Variants in TPRG1 observed in about 807,000 individuals in gnomAD.
TPRG1 encodes the protein tumor protein p63-regulated gene 1 protein.
In TPRG1, 29 loss-of-function variants were observed where a neutral mutation model predicts 29.3. The ratio of observed to expected loss-of-function variants is 0.99; its 90% CI spans 0.74 to 1.35. The LOEUF (loss-of-function observed/expected upper bound fraction) is 1.35, where lower values mean the gene tolerates loss of function less well. Ranked by LOEUF, TPRG1 falls within the 40% of genes most tolerant of loss-of-function variation. TPRG1 has a pLI of 0.00. For synonymous variants in TPRG1, 130 were observed against 116.8 expected (o/e 1.11, Z -0.73); for missense variants, 327 against 335.0 (o/e 0.98, Z 0.19).
intron 4 of TPRG1, among the ~76,000 whole-genome samples, chr3:189,029,940 C>T (rs1458828364): frequency 1.3e-5 from 2 of 152,218 alleles, no homozygotes; most frequent in African/African-American, 2.4e-5. Flanking sequence ...TCAGCATCAG[C>T]ATCATGCTTC....
At chr3:189,065,046 G>T (rs576484230) in intron 4 of TPRG1, among the ~76,000 whole-genome samples, 1 of 152,064 alleles carries the variant, frequency 6.6e-6, no homozygotes, top group South Asian at 2.1e-4. Flanking sequence ...AAAATTAGCT[G>T]TATGTGTTGG....
upstream of TPRG1, among the ~76,000 whole-genome samples, chr3:189,168,971 G>C (rs1728482868): frequency 6.6e-6 from 1 of 152,150 alleles, no homozygotes; most frequent in African/African-American, 2.4e-5. Flanking sequence ...GTGTGTAAGA[G>C]AACAGCCCTG....
At chr3:189,315,326 GAGAA>G (rs1286770282) in intron 5 of TPRG1, among the ~76,000 whole-genome samples, 1 of 151,798 alleles carries the variant, frequency 6.6e-6, no homozygotes, top group East Asian at 1.9e-4. Context: ...AAGGGGGGGT[GAGAA>G]AGAGAGAGAC....
intron 3 of TPRG1, among the ~76,000 whole-genome samples, chr3:189,217,309 A>C (rs960541116): frequency 3.3e-5 from 5 of 152,216 alleles, no homozygotes; most frequent in African/African-American, 1.2e-4. Flanking sequence ...CCTAAATAGG[A>C]AGCTCAAAAG....
intron 5 of TPRG1, among the ~76,000 whole-genome samples, chr3:189,318,358 G>A (rs1383002714): frequency 6.6e-6 from 1 of 152,102 alleles, no homozygotes; most frequent in Non-Finnish European, 1.5e-5. Context: ...TATAGGTATA[G>A]GAAACACATA....
chr3:189,213,046 T>C (rs1735515856), intron 2 of TPRG1, among the ~76,000 whole-genome samples: 2 of 152,238 alleles, frequency 1.3e-5, no homozygotes, highest in South Asian at 4.1e-4. Flanking sequence ...TGTCTTAGGC[T>C]GCATGATGTC....
chr3:189,017,662 C>T (rs984180655), intron 3 of TPRG1, among the ~76,000 whole-genome samples: 56 of 152,154 alleles, frequency 3.7e-4, no homozygotes, highest in Non-Finnish European at 6.2e-4. Flanking sequence ...CAAGTCTTTG[C>T]TATTGTGAAT....
intron 4 of TPRG1, among the ~76,000 whole-genome samples, chr3:189,065,030 A>C (rs1716346752): frequency 6.6e-6 from 1 of 152,146 alleles, no homozygotes; most frequent in Admixed American, 6.6e-5. Context: ...CTCTACAAAA[A>C]GTTTGAAAAT....
At chr3:189,237,657 C>A (rs1420689414) in intron 3 of TPRG1, among the ~76,000 whole-genome samples, 1 of 152,062 alleles carries the variant, frequency 6.6e-6, no homozygotes, top group Non-Finnish European at 1.5e-5. Flanking sequence ...ATGTTATGAA[C>A]CTAAAATCAA....
intron 1 of TPRG1, among the ~76,000 whole-genome samples, chr3:189,177,315 G>A (rs1314824187): frequency 6.6e-6 from 1 of 152,002 alleles, no homozygotes; most frequent in Non-Finnish European, 1.5e-5. Flanking sequence ...AGTTTGAAAT[G>A]TTAAGTGGGG....
intron 1 of TPRG1, among the ~76,000 whole-genome samples, chr3:189,104,859 C>A (rs1719627837): frequency 6.6e-6 from 1 of 152,064 alleles, no homozygotes; most frequent in African/African-American, 2.4e-5. Flanking sequence ...ACTCCTCAAC[C>A]TTCAGGGTCT....
chr3:189,230,547 C>T (rs2108902950), intron 3 of TPRG1, among the ~76,000 whole-genome samples: 1 of 152,290 alleles, frequency 6.6e-6, no homozygotes, highest in East Asian at 1.9e-4. Context: ...TCTCATGGAC[C>T]TCCATGGATC....
intron 4 of TPRG1, among the ~76,000 whole-genome samples, chr3:189,026,116 AACAG>A (rs1253449840): frequency 6.6e-6 from 1 of 152,162 alleles, no homozygotes; most frequent in Non-Finnish European, 1.5e-5. Context: ...TGGGTGTCTT[AACAG>A]ACATTTTTTT....
chr3:189,137,299 TG>T lies in TPRG1; in HGVS notation c.-291+4603del, dbSNP rs1176071704. The stretch of plus-strand genomic sequence containing the variant: ...AACAGCTTCTGAAAACCCCAAAATG[TG>T]TGTGTGTGTGTGTGTGTGTGTGTGT... On this transcript the variant is annotated intron_variant, in intron 3 of 6. Transcript: ENST00000412373. Among the ~76,000 whole-genome samples, 5 of 42,038 alleles carry T rather than the reference TG, an allele frequency of 1.2e-4. No individual in the cohort carries two copies. In the African/African-American group the frequency reaches 2.4e-3, roughly 20 times the overall value. The allele number at this position is 42,038 out of a possible 152,430, so 27.6% of individuals were successfully genotyped here.
Position 189,322,085 on chromosome 3 carries a change from T to C in TPRG1, c.*1265T>C, listed in dbSNP as rs1724372185. 1 of 152,082 alleles carries C rather than the reference T, an allele frequency of 6.6e-6. No individual in the cohort carries two copies. The highest frequency in any genetic ancestry group is 2.4e-5 in the African/African-American group (1 of 41,446). 9.4% of individuals were successfully genotyped at this position (152,082 alleles called of 1,614,324 possible). On this transcript the variant is annotated 3_prime_UTR_variant, in exon 6 of 6. Coordinates refer to ENST00000345063, the MANE Select transcript of TPRG1 (RefSeq NM_198485.4). Reference sequence around the variant, plus strand: ...CAGAGTCTTATTTTATCTAAATTTATGTAGAAAAAAAAGCTTTGAATGTTG... The same window carrying C: ...CAGAGTCTTATTTTATCTAAATTTACGTAGAAAAAAAAGCTTTGAATGTTG...
In TPRG1 at chr3:189,206,808, C is replaced by CGTGTGTGTGTGTGTGTGTGTGTGTGTGT. The variant is rs142505576; in HGVS notation, c.-9-547_-9-546insTGTGTGTGTGTGTGTGTGTGTGTGTGTG. 7.7e-4 allele frequency among the ~76,000 whole-genome samples: 114 copies of CGTGTGTGTGTGTGTGTGTGTGTGTGTGT among 147,722 alleles called. 1 individual carries two copies. Among genetic ancestry groups the CGTGTGTGTGTGTGTGTGTGTGTGTGTGT allele is most frequent in the African/African-American group, 2.7e-3 (104 of 39,170 alleles). ...GAGTCACCATGCCCAGCTGAACAAC[C>CGTGTGTGTGTGTGTGTGTGTGTGTGTGT]GTGTGTGTGTGTGTGTGTGTGCACG... On this transcript the variant is annotated intron_variant, in intron 1 of 5. Coordinates refer to ENST00000345063, the MANE Select transcript of TPRG1 (RefSeq NM_198485.4).
intron 5 of TPRG1, among the ~76,000 whole-genome samples, chr3:189,312,197 C>A: frequency 1.3e-5 from 1 of 79,872 alleles, no homozygotes; most frequent in Non-Finnish European, 2.4e-5. Context: ...TTCTTTCTTT[C>A]TTTCTTTCTT....
intron 2 of TPRG1, among the ~76,000 whole-genome samples, chr3:189,130,796 C>G (rs1723023990): frequency 1.3e-5 from 2 of 152,214 alleles, no homozygotes; most frequent in Non-Finnish European, 2.9e-5. Flanking sequence ...GCTATATATT[C>G]CAGCTATAAC....
upstream of TPRG1, among the ~76,000 whole-genome samples, chr3:189,167,410 T>C (rs1728295159): frequency 6.6e-6 from 1 of 152,236 alleles, no homozygotes; most frequent in Non-Finnish European, 1.5e-5. Context: ...CCCTTCTCCC[T>C]GCCATGAATG....
Sources: gnomAD v4.1 joint callset for allele counts (sites outside exome capture counted in the v4.1 genomes callset) on GRCh38, gnomAD v4.1.1 for gene constraint, MANE v1.5 for transcripts, NCBI Gene and HGNC (gene_info 2026-07-23, HGNC 2026-07-21) for gene names.